Variants in MCMDC2 observed in about 807,000 individuals in gnomAD.
MCMDC2 encodes the protein minichromosome maintenance domain containing 2.
Under a neutral mutation model 75.8 loss-of-function variants are expected in MCMDC2, and 54 were observed. The ratio of observed to expected loss-of-function variants is 0.71; its 90% CI spans 0.57 to 0.89. MCMDC2 has a LOEUF of 0.89. Among genes scored for constraint, MCMDC2 ranks in the 40% least tolerant of loss-of-function variants. MCMDC2 has a pLI of 0.00. For missense variants in MCMDC2, 656 were observed against 780.4 expected, an observed-to-expected ratio of 0.84 and a Z score of 1.90; for synonymous variants, 249 against 274.6, an observed-to-expected ratio of 0.91 and a Z score of 0.92.
chr8:66,877,256 A>T (rs543407287), intron 4 of MCMDC2, 93 bp from the exon 5 acceptor site: 5 of 753,082 alleles, frequency 6.6e-6, no homozygotes, highest in Non-Finnish European at 1.0e-5. Context: ...ACATATCATT[A>T]CTTGACTTTC....
rs1001045797 is a variant in MCMDC2, at chr8:66,921,651, G to A, written c.*2482G>A. ...TTAGGATGACTTTTTTGTTCACAAA[G>A]ATGAAAGCAAACTGAATAAAAAAGG... On this transcript the variant is annotated 3_prime_UTR_variant, in exon 15 of 15. Transcript: ENST00000422365. The A allele has an allele frequency of 2.6e-5, 4 of 152,150 alleles. No individual in the cohort carries two copies. Among genetic ancestry groups the A allele is most frequent in the African/African-American group, 9.7e-5 (4 of 41,420 alleles). 9.4% of individuals were successfully genotyped at this position (152,150 alleles called of 1,614,324 possible).
intron 14 of MCMDC2, among the ~76,000 whole-genome samples, chr8:66,911,857 T>C (rs766423052): frequency 3.3e-5 from 5 of 151,978 alleles, no homozygotes; most frequent in Admixed American, 6.6e-5. Flanking sequence ...TTCAAAAGAT[T>C]ACTGCTCATT....
intron 4 of MCMDC2, among the ~76,000 whole-genome samples, chr8:66,875,186 A>G (rs1015927686): frequency 6.6e-6 from 1 of 152,164 alleles, no homozygotes; most frequent in Non-Finnish European, 1.5e-5. Flanking sequence ...TGCATCATCA[A>G]TTTTTTTCTA....
chr8:66,876,906 G>A lies in MCMDC2; in HGVS notation c.286-443G>A, dbSNP rs1036604915. Among the ~76,000 whole-genome samples the A allele has an allele frequency of 4.6e-5, 7 of 151,884 alleles. 1 individual carries two copies. In the Middle Eastern group the frequency reaches 0.01, roughly 221 times the overall value. On this transcript the variant is annotated intron_variant, in intron 4 of 14. Transcript: ENST00000422365. Reference sequence around the variant, plus strand: ...CTCCCGAGTAGCTGGGACTACAGGCGCCTGCCATCACACCCGGCTAATTTT... The same window carrying A: ...CTCCCGAGTAGCTGGGACTACAGGCACCTGCCATCACACCCGGCTAATTTT...
intron 9 of MCMDC2, among the ~76,000 whole-genome samples, chr8:66,887,342 C>T (rs1478693584): frequency 6.6e-6 from 1 of 151,152 alleles, no homozygotes; most frequent in Non-Finnish European, 1.5e-5. Flanking sequence ...GAGTTCGAGG[C>T]CGGCTGGCCA....
At position 66,919,195 on chromosome 8, in the gene MCMDC2, C is replaced by T. The variant is rs769803906; in HGVS notation, c.*26C>T. The stretch of plus-strand genomic sequence containing the variant: ...GCAATTTGAGGAATTTTTGTTCATT[C>T]CTACTTAAGCAGTGGAGAAAAAGTG... On this transcript the variant is annotated 3_prime_UTR_variant, in exon 15 of 15. Transcript: ENST00000422365. 4.2e-5 allele frequency: 64 copies of T among 1,518,312 alleles called. No homozygotes were observed. Among genetic ancestry groups the T allele is most frequent in the South Asian group, 2.5e-5 (2 of 78,508 alleles). The allele number at this position is 1,518,312 out of a possible 1,614,324, so 94.1% of individuals were successfully genotyped here. A position where few individuals can be genotyped will look rare whatever the true frequency, so the allele number is the denominator to read the frequency against.
chr8:66,910,070 T>C (rs1813042987), intron 14 of MCMDC2, among the ~76,000 whole-genome samples: 1 of 152,222 alleles, frequency 6.6e-6, no homozygotes, highest in South Asian at 2.1e-4. Flanking sequence ...CACGTGGTGT[T>C]GGGCCTGCGG....
intron 10 of MCMDC2, among the ~76,000 whole-genome samples, chr8:66,895,382 T>C (rs1812300495): frequency 6.6e-6 from 1 of 151,070 alleles, no homozygotes; most frequent in South Asian, 2.1e-4. Context: ...CCTTCTTCCT[T>C]CTTCTTCTTC....
chr8:66,875,478 C>T (rs1462325582), intron 4 of MCMDC2, among the ~76,000 whole-genome samples: 2 of 152,092 alleles, frequency 1.3e-5, no homozygotes, highest in Non-Finnish European at 2.9e-5. Flanking sequence ...GAGGTTTCTC[C>T]ATGTTGGTCA....
At chr8:66,875,749 A>C (rs1811252749) in intron 4 of MCMDC2, among the ~76,000 whole-genome samples, 1 of 152,180 alleles carries the variant, frequency 6.6e-6, no homozygotes, top group Non-Finnish European at 1.5e-5. Context: ...ACACATTATA[A>C]TTGGTTCTTA....
chr8:66,879,161 G>GCTAA (rs1423160321), intron 7 of MCMDC2, among the ~76,000 whole-genome samples: 1 of 152,122 alleles, frequency 6.6e-6, no homozygotes, highest in Non-Finnish European at 1.5e-5. Context: ...TACCTGGGAA[G>GCTAA]CTAAGGTGGG....
At chr8:66,914,983 GAGAA>G (rs1366910145) in intron 14 of MCMDC2, among the ~76,000 whole-genome samples, 6 of 152,044 alleles carry the variant, frequency 3.9e-5, no homozygotes, top group Non-Finnish European at 2.9e-5. Context: ...CAAGATTGGG[GAGAA>G]AGAAAGAAAA....
At chr8:66,892,956 T>C (rs567863006) in intron 10 of MCMDC2, among the ~76,000 whole-genome samples, 1 of 152,348 alleles carries the variant, frequency 6.6e-6, no homozygotes, top group African/African-American at 2.4e-5. Context: ...CATTGTTGGA[T>C]TTGATATGCT....
At chr8:66,897,172 C>G (rs1031318544) in intron 12 of MCMDC2, among the ~76,000 whole-genome samples, 2 of 151,822 alleles carry the variant, frequency 1.3e-5, no homozygotes, top group Non-Finnish European at 2.9e-5. Flanking sequence ...TTTGAGAGGC[C>G]CAGGCGGGTG....
Position 66,874,043 on chromosome 8 carries a change from T to C in MCMDC2, c.-88-10T>C. The C allele has an allele frequency of 1.3e-6, 1 of 774,632 alleles. No homozygotes were observed. Among genetic ancestry groups the C allele is most frequent in the Non-Finnish European group, 1.9e-6 (1 of 516,146 alleles). 48.0% of individuals were successfully genotyped at this position (774,632 alleles called of 1,614,324 possible). A position where few individuals can be genotyped will look rare whatever the true frequency, so the allele number is the denominator to read the frequency against. ...GAGATTTTCAAAAATAAAATTAATTTTATTTCTAGGTTTTCACATCCTTTC... is the reference window on the plus strand; with the variant it reads ...GAGATTTTCAAAAATAAAATTAATTCTATTTCTAGGTTTTCACATCCTTTC... On this transcript the variant is annotated splice_polypyrimidine_tract_variant and intron_variant, in intron 1 of 14. Coordinates refer to ENST00000422365, the MANE Select transcript of MCMDC2 (RefSeq NM_173518.5).
At chr8:66,917,383 C>T (rs1303431958) in intron 14 of MCMDC2, among the ~76,000 whole-genome samples, 1 of 152,156 alleles carries the variant, frequency 6.6e-6, no homozygotes, top group African/African-American at 2.4e-5. Flanking sequence ...AGCTTACCTC[C>T]TCATGGTCAA....
chr8:66,924,694 G>A (rs1813667013), downstream of MCMDC2, among the ~76,000 whole-genome samples: 1 of 151,428 alleles, frequency 6.6e-6, no homozygotes, highest in African/African-American at 2.4e-5. Flanking sequence ...CCCAGTTGCT[G>A]ACCGGTTTCT....
intron 9 of MCMDC2, among the ~76,000 whole-genome samples, chr8:66,889,015 G>A (rs529691224): frequency 4.6e-5 from 7 of 151,600 alleles, no homozygotes; most frequent in Non-Finnish European, 1.0e-4. Context: ...TCTAAATATC[G>A]CTCTCTCTCT....
At chr8:66,911,021 G>T (rs1012509713) in intron 14 of MCMDC2, among the ~76,000 whole-genome samples, 11 of 152,180 alleles carry the variant, frequency 7.2e-5, no homozygotes, top group African/African-American at 2.7e-4. Context: ...TTTGGACTTG[G>T]ACTTTTGGGT....
Sources: gnomAD v4.1 joint callset for allele counts (sites outside exome capture counted in the v4.1 genomes callset) on GRCh38, gnomAD v4.1.1 for gene constraint, MANE v1.5 for transcripts, NCBI Gene and HGNC (gene_info 2026-07-23, HGNC 2026-07-21) for gene names.